The following BTG4 variants were observed in gnomAD, a reference collection of about 807,000 sequenced individuals.
BTG4 encodes the protein protein BTG4.
Under a neutral mutation model 19.3 loss-of-function variants are expected in BTG4, and 10 were observed. The ratio of observed to expected loss-of-function variants is 0.52; its 90% CI spans 0.32 to 0.88. BTG4 has a LOEUF of 0.88. BTG4 is among the 40% of genes least tolerant of loss of function. BTG4 has a pLI of 0.04. For missense variants in BTG4, 238 were observed against 281.9 expected, an observed-to-expected ratio of 0.84 and a Z score of 1.11; for synonymous variants, 91 against 95.7, an observed-to-expected ratio of 0.95 and a Z score of 0.29.
At chr11:111,402,074 T>G in the BTG4 span, among the ~76,000 whole-genome samples, 2 of 152,218 alleles carry the variant, frequency 1.3e-5, no homozygotes, top group South Asian at 2.1e-4. Context: ...GGGAGGGACC[T>G]GATGGGAAGT....
At chr11:111,445,710 C>T in the BTG4 span, among the ~76,000 whole-genome samples, 8 of 152,140 alleles carry the variant, frequency 5.3e-5, no homozygotes, top group East Asian at 3.8e-4. Flanking sequence ...TAGTCTTTTC[C>T]GGTTTGCCAT....
chr11:111,496,082 C>T (rs1591513205), intron 4 of BTG4, among the ~76,000 whole-genome samples: 1 of 152,240 alleles, frequency 6.6e-6, no homozygotes, highest in African/African-American at 2.4e-5. Context: ...ATTAGAACTT[C>T]AAATAATGAA....
the BTG4 span, chr11:111,456,883 A>T: frequency 5.5e-6 from 1 of 183,350 alleles, no homozygotes; most frequent in Non-Finnish European, 1.2e-5. This position sits in a 1 kb window ranked among gnomAD's most constrained non-coding sequence, Gnocchi z 4.2. Context: ...GGGCTTGGTG[A>T]CCAGCAGAGT....
chr11:111,496,150 A>T (rs1182975043), intron 4 of BTG4, among the ~76,000 whole-genome samples: 1 of 152,228 alleles, frequency 6.6e-6, no homozygotes, highest in Non-Finnish European at 1.5e-5. Flanking sequence ...GGGCACATGG[A>T]AAGTTTTAAT....
the BTG4 span, among the ~76,000 whole-genome samples, chr11:111,410,466 C>A: frequency 6.6e-6 from 1 of 152,142 alleles, no homozygotes; most frequent in Non-Finnish European, 1.5e-5. Flanking sequence ...TTTCCACAAC[C>A]CTATAAGGTT....
chr11:111,420,592 A>G, the BTG4 span, among the ~76,000 whole-genome samples: 1 of 152,242 alleles, frequency 6.6e-6, no homozygotes, highest in Non-Finnish European at 1.5e-5. Context: ...ATGTAGAGCT[A>G]CTTTGCCCAC....
chr11:111,409,160 T>C, the BTG4 span, among the ~76,000 whole-genome samples: 1 of 152,158 alleles, frequency 6.6e-6, no homozygotes, highest in Non-Finnish European at 1.5e-5. Flanking sequence ...CTGAGAGGGA[T>C]AGAAGAGGTG....
At chr11:111,471,850 C>T (rs551251243) in intron 5 of BTG4, among the ~76,000 whole-genome samples, 1 of 152,202 alleles carries the variant, frequency 6.6e-6, no homozygotes, top group East Asian at 1.9e-4. Context: ...AAACCTTCCC[C>T]CATCTCAACT....
chr11:111,455,723 T>C, the BTG4 span: 2 of 426,198 alleles, frequency 4.7e-6, no homozygotes, highest in Non-Finnish European at 9.7e-6. Flanking sequence ...AAAACGTCCT[T>C]TTCCCACCCC....
At chr11:111,402,322 G>A in the BTG4 span, among the ~76,000 whole-genome samples, 1 of 152,138 alleles carries the variant, frequency 6.6e-6, no homozygotes, top group South Asian at 2.1e-4. Flanking sequence ...TCTCGGGTAT[G>A]TCTTTATTAG....
intron 1 of BTG4, among the ~76,000 whole-genome samples, chr11:111,510,057 G>A (rs547441488): frequency 9.2e-5 from 14 of 151,590 alleles, no homozygotes; most frequent in African/African-American, 2.2e-4. Context: ...AACTACAGGC[G>A]CGCACCACCA....
At chr11:111,437,406 G>C in the BTG4 span, among the ~76,000 whole-genome samples, 3 of 152,158 alleles carry the variant, frequency 2.0e-5, no homozygotes, top group African/African-American at 4.8e-5. Flanking sequence ...CTCCTGCCAG[G>C]AACTGGGTTG....
At chr11:111,410,840 G>T in the BTG4 span, among the ~76,000 whole-genome samples, 1 of 152,230 alleles carries the variant, frequency 6.6e-6, no homozygotes, top group South Asian at 2.1e-4. Context: ...CTTGCAAATG[G>T]CAATCATATC....
In BTG4 at chr11:111,508,202, T is replaced by G. The variant is rs556118094; in HGVS notation, c.-27+3979A>C. On this transcript the variant is annotated intron_variant, in intron 1 of 4. Coordinates refer to ENST00000692032, the MANE Select transcript of BTG4 (RefSeq NM_001367975.1). Reference sequence around the variant, plus strand: ...AAGTTTCTCTCTTCATCCCATATTTTCTACATCACCTCGTACTGAAATTTA... The same window carrying G: ...AAGTTTCTCTCTTCATCCCATATTTGCTACATCACCTCGTACTGAAATTTA... 3.3e-5 allele frequency among the ~76,000 whole-genome samples: 5 copies of G among 152,362 alleles called. No homozygotes were observed. The South Asian group carries it at 1.0e-3, about 32-fold the overall frequency.
chr11:111,404,541 C>T, the BTG4 span: 1 of 455,242 alleles, frequency 2.2e-6, no homozygotes, highest in Admixed American at 2.4e-5. Context: ...GACATAACAA[C>T]TTGACCCAAG....
the BTG4 span, among the ~76,000 whole-genome samples, chr11:111,418,512 C>A: frequency 6.6e-6 from 1 of 152,194 alleles, no homozygotes; most frequent in East Asian, 1.9e-4. Flanking sequence ...GTGAAGTGAT[C>A]CTCATGTCTG....
chr11:111,435,597 G>A, the BTG4 span, among the ~76,000 whole-genome samples: 1 of 152,158 alleles, frequency 6.6e-6, no homozygotes, highest in Non-Finnish European at 1.5e-5. Flanking sequence ...CTTGGCCCTG[G>A]GAAGAGCAAA....
At chr11:111,404,700 TC>T in the BTG4 span, 1 of 456,006 alleles carries the variant, frequency 2.2e-6, no homozygotes, top group Admixed American at 2.4e-5. Context: ...GTGAAGAATG[TC>T]CTTTTTCTTG....
intron 1 of BTG4, among the ~76,000 whole-genome samples, chr11:111,511,534 G>C (rs774237076): frequency 4.6e-5 from 7 of 152,152 alleles, no homozygotes; most frequent in Non-Finnish European, 8.8e-5. Flanking sequence ...GTCAGCAATG[G>C]GTGCTCTATA....
Sources: allele counts gnomAD v4.1 joint callset (sites outside exome capture counted in the v4.1 genomes callset), GRCh38; gene constraint gnomAD v4.1.1; non-coding constraint Gnocchi (gnomAD v3.1); transcripts MANE v1.5; gene names NCBI Gene and HGNC (gene_info 2026-07-23, HGNC 2026-07-21).